Variants in WWOX observed in about 807,000 individuals in gnomAD.
WWOX encodes the protein WW domain containing oxidoreductase.
Under a neutral mutation model 46.2 loss-of-function variants are expected in WWOX, and 69 were observed. That is an observed-to-expected ratio of 1.49 (90% CI 1.23 to 1.82). The LOEUF (loss-of-function observed/expected upper bound fraction) is 1.82. Among genes scored for constraint, WWOX ranks in the 40% most tolerant of loss-of-function variants. WWOX has a pLI of 0.00. For missense variants in WWOX, 919 were observed against 542.6 expected, an observed-to-expected ratio of 1.69 and a Z score of -6.89; for synonymous variants, 359 against 202.6, an observed-to-expected ratio of 1.77 and a Z score of -6.56.
intron 8 of WWOX, among the ~76,000 whole-genome samples, chr16:78,728,200 G>A (rs1485317176): frequency 6.6e-6 from 1 of 150,970 alleles, no homozygotes; most frequent in Non-Finnish European, 1.5e-5. Context: ...GAGTAGCTGT[G>A]ACTACGGACA....
chr16:78,900,976 G>A (rs1252779253), intron 8 of WWOX, among the ~76,000 whole-genome samples: 1 of 152,120 alleles, frequency 6.6e-6, no homozygotes, highest in African/African-American at 2.4e-5. Flanking sequence ...GGGTACCACA[G>A]TTTCCATGAG....
intron 8 of WWOX, among the ~76,000 whole-genome samples, chr16:78,939,661 T>C (rs1026422411): frequency 5.3e-5 from 8 of 152,262 alleles, no homozygotes; most frequent in African/African-American, 1.9e-4. Flanking sequence ...TTAAAAATTA[T>C]CAAAAGGAAG....
intron 8 of WWOX, among the ~76,000 whole-genome samples, chr16:78,571,663 G>A (rs986845564): frequency 3.3e-5 from 5 of 152,112 alleles, no homozygotes; most frequent in Admixed American, 6.5e-5. Context: ...GAGGTCAGAA[G>A]CTCCAGACCA....
chr16:78,613,698 G>C lies in WWOX; in HGVS notation c.1056+180946G>C, dbSNP rs191158942. Among the ~76,000 whole-genome samples, 368 of 152,292 alleles carry C rather than the reference G, an allele frequency of 2.4e-3. 2 individuals carry two copies. The highest frequency in any genetic ancestry group is 8.5e-3 in the African/African-American group (353 of 41,566). ...GAAAGCTAGCTAAGCAGTGACTGGA[G>C]GAAGGCCCCAGCTCTTTGGAACGAA... On this transcript the variant is annotated intron_variant, in intron 8 of 8. Transcript: ENST00000566780.
intron 8 of WWOX, chr16:78,996,386 C>A (rs764328381): frequency 9.6e-5 from 78 of 811,990 alleles, no homozygotes; most frequent in East Asian, 1.7e-4. Context: ...ACCCCCGCCC[C>A]CCAGCTTCCC....
intron 5 of WWOX, among the ~76,000 whole-genome samples, chr16:78,231,950 G>A (rs1336235690): frequency 6.6e-6 from 1 of 151,908 alleles, no homozygotes; most frequent in Non-Finnish European, 1.5e-5. Flanking sequence ...TAATCATTCA[G>A]TAAGTCTTGA....
chr16:79,154,285 G>C (rs1248361266), intron 8 of WWOX, among the ~76,000 whole-genome samples: 1 of 152,154 alleles, frequency 6.6e-6, no homozygotes, highest in Non-Finnish European at 1.5e-5. Flanking sequence ...GGGAATGGCT[G>C]GGCAGGAACA....
intron 5 of WWOX, among the ~76,000 whole-genome samples, chr16:78,384,024 G>T (rs762953893): frequency 1.3e-5 from 2 of 152,216 alleles, no homozygotes; most frequent in African/African-American, 4.8e-5. Context: ...TTACAGAGAA[G>T]ACTGGGCTAG....
At chr16:79,054,206 A>G (rs890540620) in intron 8 of WWOX, among the ~76,000 whole-genome samples, 8 of 152,228 alleles carry the variant, frequency 5.3e-5, no homozygotes, top group African/African-American at 1.9e-4. Context: ...CCACAAAAGC[A>G]TGCTGCAACG....
chr16:78,736,313 C>T (rs1035544315), intron 8 of WWOX, among the ~76,000 whole-genome samples: 5 of 152,220 alleles, frequency 3.3e-5, no homozygotes, highest in East Asian at 1.9e-4. Flanking sequence ...TGTATGTTGC[C>T]AGGTGTCTTG....
At chr16:78,375,705 C>A (rs910883857) in intron 5 of WWOX, among the ~76,000 whole-genome samples, 8 of 152,024 alleles carry the variant, frequency 5.3e-5, no homozygotes, top group Non-Finnish European at 1.2e-4. Context: ...AGTCTACTTC[C>A]AGGAATTCAT....
At chr16:79,172,354 A>G (rs927691057) in intron 8 of WWOX, among the ~76,000 whole-genome samples, 5 of 152,202 alleles carry the variant, frequency 3.3e-5, no homozygotes, top group Non-Finnish European at 7.3e-5. Flanking sequence ...TCAAAGATCC[A>G]TGATTTCAGA....
chr16:78,858,588 C>T (rs1055184059), intron 8 of WWOX, among the ~76,000 whole-genome samples: 11 of 151,980 alleles, frequency 7.2e-5, no homozygotes, highest in South Asian at 2.1e-4. Flanking sequence ...ATCACCAGCA[C>T]GGAGTGTGGC....
intron 8 of WWOX, among the ~76,000 whole-genome samples, chr16:78,702,045 A>ATATATAT (rs1491253055): frequency 1.6e-5 from 2 of 121,968 alleles, no homozygotes; most frequent in Admixed American, 8.3e-5. Context: ...ATATATATAT[A>ATATATAT]AAATAATGCA....
At position 78,456,919 on chromosome 16, in the gene WWOX, C is replaced by G. The variant is rs534262685; in HGVS notation, c.1056+24167C>G. Among the ~76,000 whole-genome samples, 47 of 152,226 alleles carry G rather than the reference C, an allele frequency of 3.1e-4. 1 individual carries two copies. Among genetic ancestry groups the G allele is most frequent in the Non-Finnish European group, 5.9e-5 (4 of 68,046 alleles). ...GTTCACGTGGCGTTGGCTGATCACC[C>G]TTATGAAGAGTTACTTGCATTGTTT... is the stretch of plus-strand genomic sequence containing the variant. On this transcript the variant is annotated intron_variant, in intron 8 of 8. Transcript: ENST00000566780.
chr16:79,092,855 A>G (rs940027295), intron 8 of WWOX, among the ~76,000 whole-genome samples: 1 of 152,128 alleles, frequency 6.6e-6, no homozygotes, highest in East Asian at 1.9e-4. Flanking sequence ...CAGCCCTCAT[A>G]ACCCCCCAGC....
At chr16:78,467,814 A>G (rs186401578) in intron 8 of WWOX, among the ~76,000 whole-genome samples, 2 of 152,362 alleles carry the variant, frequency 1.3e-5, no homozygotes, top group Admixed American at 6.5e-5. Context: ...TTGGAAGAAC[A>G]TACTTCATAC....
At chr16:78,921,977 G>A (rs2045389605) in intron 8 of WWOX, among the ~76,000 whole-genome samples, 1 of 152,206 alleles carries the variant, frequency 6.6e-6, no homozygotes, top group African/African-American at 2.4e-5. Context: ...TCCAAGACAA[G>A]TACCAGATGT....
chr16:78,680,151 T>A (rs1293470038), intron 8 of WWOX, among the ~76,000 whole-genome samples: 1 of 152,246 alleles, frequency 6.6e-6, no homozygotes, highest in Admixed American at 6.5e-5. Flanking sequence ...GGCTCACGCC[T>A]GTAATCCCAG....
Sources: gnomAD v4.1 joint callset for allele counts (sites outside exome capture counted in the v4.1 genomes callset) on GRCh38, gnomAD v4.1.1 for gene constraint, MANE v1.5 for transcripts, NCBI Gene and HGNC (gene_info 2026-07-23, HGNC 2026-07-21) for gene names.